Variants in HK1 observed in about 807,000 individuals in gnomAD.
HK1 encodes hexokinase-1.
In HK1, 28 loss-of-function variants were observed where a neutral mutation model predicts 91.6. The observed-to-expected ratio is 0.31, with a 90% CI of 0.23 to 0.42. HK1 has a LOEUF of 0.42. Among genes scored for constraint, HK1 ranks in the 10% least tolerant of loss-of-function variants. HK1 has a pLI of 1.00. For synonymous variants in HK1, 430 were observed against 468.1 expected (o/e 0.92, Z 1.05); for missense variants, 770 against 1,219.8 (o/e 0.63, Z 5.49).
chr10:69,366,698 A>G (rs970911815), intron 4 of HK1, among the ~76,000 whole-genome samples: 1 of 152,094 alleles, frequency 6.6e-6, no homozygotes, highest in African/African-American at 2.4e-5. Flanking sequence ...CGCCCCTCCA[A>G]GGTGTTCAGA....
intron 1 of HK1, among the ~76,000 whole-genome samples, chr10:69,332,357 T>TTTTC (rs140249017): frequency 0.076 from 10,660 of 140,728 alleles, 713 homozygotes; most frequent in African/African-American, 0.14. Context: ...CTAGGCCTCA[T>TTTTC]TTTCTTTCTT....
chr10:69,396,649 C>T (rs960284622), intron 16 of HK1, among the ~76,000 whole-genome samples: 2 of 151,896 alleles, frequency 1.3e-5, no homozygotes, highest in African/African-American at 4.8e-5. Flanking sequence ...AAGGTTCATC[C>T]GTATTGTGGC....
At chr10:69,393,721 G>C (rs777506391) in intron 15 of HK1, among the ~76,000 whole-genome samples, 1 of 152,216 alleles carries the variant, frequency 6.6e-6, no homozygotes. Context: ...TCTAGCTGAT[G>C]CTGTCGCCTA....
At chr10:69,355,764 C>G (rs1849095820) in intron 2 of HK1, among the ~76,000 whole-genome samples, 1 of 152,116 alleles carries the variant, frequency 6.6e-6, no homozygotes. Flanking sequence ...TGCATTCCAG[C>G]CTGGGTAGCA....
chr10:69,367,107 G>A (rs1849745006), intron 4 of HK1, among the ~76,000 whole-genome samples: 1 of 152,120 alleles, frequency 6.6e-6, no homozygotes, highest in African/African-American at 2.4e-5. Flanking sequence ...TGACTTCCTG[G>A]GCACGAGAGC....
At chr10:69,315,162 A>G (rs1022773885), upstream of HK1, among the ~76,000 whole-genome samples, 4 of 152,234 alleles carry the variant, frequency 2.6e-5, no homozygotes, top group African/African-American at 4.8e-5. Flanking sequence ...CCAGGCTGTT[A>G]TCAGGAGAAA....
intron 1 of HK1, among the ~76,000 whole-genome samples, chr10:69,339,144 G>A (rs566458709): frequency 6.6e-6 from 1 of 150,742 alleles, no homozygotes; most frequent in Admixed American, 6.6e-5. Context: ...GTTTTCTGCA[G>A]GTGTCTCTAG....
intron 1 of HK1, among the ~76,000 whole-genome samples, chr10:69,332,597 G>T (rs1320802641): frequency 6.6e-6 from 1 of 151,704 alleles, no homozygotes; most frequent in Non-Finnish European, 1.5e-5. Flanking sequence ...GGCCAGGCTG[G>T]TCTTGAACTG....
intron 1 of HK1, among the ~76,000 whole-genome samples, chr10:69,330,666 C>T (rs1466968866): frequency 1.3e-5 from 2 of 152,074 alleles, no homozygotes; most frequent in Non-Finnish European, 2.9e-5. Flanking sequence ...GACTCTCATT[C>T]AAGAAGGTGT....
chr10:69,356,607 G>A (rs1474630698), intron 2 of HK1, among the ~76,000 whole-genome samples: 6 of 151,836 alleles, frequency 4.0e-5, no homozygotes, highest in Non-Finnish European at 7.4e-5. Flanking sequence ...AAATGAGGCC[G>A]GGTGCGGTGG....
chr10:69,389,802 C>T lies in HK1; in HGVS notation c.2035+506C>T, dbSNP rs564738221. On this transcript the variant is annotated intron_variant, in intron 14 of 17. Coordinates refer to ENST00000359426, the MANE Select transcript of HK1 (RefSeq NM_000188.3). ...TTTTGCCTTTAGCAGCCACTGTGTG[C>T]GCATGGTCCCAGCCACTGAAGGGGG... Among the ~76,000 whole-genome samples, 13 of 152,234 alleles carry T rather than the reference C, an allele frequency of 8.5e-5. No individual in the cohort carries two copies. In the South Asian group the frequency reaches 2.3e-3, roughly 27 times the overall value.
chr10:69,379,750 C>A, intron 8 of HK1, 112 bp from the exon 9 acceptor site: 1 of 824,234 alleles, frequency 1.2e-6, no homozygotes, highest in Non-Finnish European at 2.2e-6. Flanking sequence ...CCATCCCATA[C>A]CATCCCACAC....
chr10:69,275,604 T>C (rs1844398764), intron 1 of HK1, among the ~76,000 whole-genome samples: 1 of 152,180 alleles, frequency 6.6e-6, no homozygotes, highest in Admixed American at 6.5e-5. Context: ...ATAGACAACA[T>C]GTAAATGAAC....
chr10:69,338,922 T>A (rs2132661594), intron 1 of HK1, among the ~76,000 whole-genome samples: 1 of 152,240 alleles, frequency 6.6e-6, no homozygotes, highest in East Asian at 1.9e-4. Flanking sequence ...TCAGCCTTTC[T>A]TCCTGGGTTT....
chr10:69,348,813 A>G (rs1402387421), intron 2 of HK1, among the ~76,000 whole-genome samples: 1 of 152,222 alleles, frequency 6.6e-6, no homozygotes, highest in Non-Finnish European at 1.5e-5. Flanking sequence ...CTCAAAAAAA[A>G]AAAAAAGAAG....
chr10:69,344,035 G>A (rs781421441), intron 2 of HK1, 46 bp downstream of exon 2: 28 of 1,595,648 alleles, frequency 1.8e-5, no homozygotes, highest in Non-Finnish European at 2.1e-5. Flanking sequence ...TAAATGTTCT[G>A]TGAAATCTTC....
chr10:69,331,103 C>T (rs943170881), intron 1 of HK1, among the ~76,000 whole-genome samples: 1 of 152,288 alleles, frequency 6.6e-6, no homozygotes, highest in African/African-American at 2.4e-5. Flanking sequence ...TGGTCTCGAA[C>T]TCCTGGCCTC....
intron 2 of HK1, among the ~76,000 whole-genome samples, chr10:69,345,560 G>C (rs929702603): frequency 2.0e-5 from 3 of 152,094 alleles, no homozygotes; most frequent in African/African-American, 7.2e-5. Flanking sequence ...GGGAGGGGAG[G>C]GGGTATGGGC....
Position 69,382,652 on chromosome 10 carries a change from C to T in HK1, c.1431C>T (p.Phe477=). ...HRQIEETLAH[F]HLTKDMLLEV... ...AGATAGAGGAGACCCTGGCTCATTTCCACCTCACCAAGGACATGCTGCTGG... is the reference window on the plus strand; with the variant it reads ...AGATAGAGGAGACCCTGGCTCATTTTCACCTCACCAAGGACATGCTGCTGG... Residue 477 remains phenylalanine, a synonymous_variant, in exon 10 of 18, where the codon TTC becomes TTT. Coordinates refer to ENST00000359426, the MANE Select transcript of HK1 (RefSeq NM_000188.3). 6.2e-7 allele frequency: 1 copy of T among 1,614,170 alleles called. No homozygotes were observed. The highest frequency in any genetic ancestry group is 8.5e-7 in the Non-Finnish European group (1 of 1,180,030).
Sources: allele counts gnomAD v4.1 joint callset (sites outside exome capture counted in the v4.1 genomes callset), GRCh38; gene constraint gnomAD v4.1.1; transcripts MANE v1.5; gene names NCBI Gene and HGNC (gene_info 2026-07-23, HGNC 2026-07-21).